Variants in GOSR1 observed in about 807,000 individuals in gnomAD.
The protein encoded by GOSR1 is 28 kDa Golgi SNARE protein.
Under a neutral mutation model 35.5 loss-of-function variants are expected in GOSR1, and 21 were observed. The observed-to-expected ratio is 0.59, with a 90% confidence interval of 0.42 to 0.85. GOSR1 has a LOEUF of 0.85. Ranked by LOEUF, GOSR1 falls within the 40% of genes least tolerant of loss-of-function variation. The probability of loss-of-function intolerance (pLI) is 0.00; values close to 1 mark genes in which losing one functional copy is unlikely to be tolerated. For missense variants in GOSR1, 285 were observed against 309.6 expected (o/e 0.92, Z 0.60); for synonymous variants, 94 against 106.6 (o/e 0.88, Z 0.73).
At chr17:30,501,481 G>A (rs974051553) in intron 6 of GOSR1, among the ~76,000 whole-genome samples, 7 of 151,838 alleles carry the variant, frequency 4.6e-5, no homozygotes, top group South Asian at 2.1e-4. Context: ...AGACACTTAC[G>A]CAGTTTTGTT....
chr17:30,520,028 T>C lies in GOSR1; in HGVS notation c.622+7T>C. 1 of 1,549,878 alleles carries C rather than the reference T, an allele frequency of 6.5e-7. No individual in the cohort carries two copies. Among genetic ancestry groups the C allele is most frequent in the Non-Finnish European group, 8.9e-7 (1 of 1,122,056 alleles). On this transcript the variant is annotated splice_region_variant and intron_variant, in intron 8 of 8. Coordinates refer to ENST00000451249, the MANE Select transcript of GOSR1 (RefSeq NM_001007025.2). ...AAAATGAACACTTTGGCCAGTATCC[T>C]TTTTGAATGTTCGCAGTCTGTGTTT...
intron 6 of GOSR1, among the ~76,000 whole-genome samples, chr17:30,504,344 A>G (rs1290383672): frequency 1.3e-5 from 2 of 152,114 alleles, no homozygotes; most frequent in African/African-American, 4.8e-5. Context: ...TTCATTTTCA[A>G]GTGAATCCAG....
At chr17:30,481,826 G>A (rs1435300534) in intron 2 of GOSR1, among the ~76,000 whole-genome samples, 1 of 152,058 alleles carries the variant, frequency 6.6e-6, no homozygotes, top group Admixed American at 6.6e-5. Flanking sequence ...TCATCCACTT[G>A]TTTCAAGAAA....
intron 6 of GOSR1, among the ~76,000 whole-genome samples, chr17:30,498,692 A>G (rs1454618921): frequency 6.6e-6 from 1 of 152,062 alleles, no homozygotes; most frequent in African/African-American, 2.4e-5. Context: ...CTATTTTGAA[A>G]CGTCACGCAT....
In GOSR1 at chr17:30,522,152, A is replaced by T. The variant is rs1228376199; in HGVS notation, c.623-102A>T. 4 of 923,146 alleles carry T rather than the reference A, an allele frequency of 4.3e-6. No individual in the cohort carries two copies. In the Admixed American group the frequency reaches 7.5e-5, roughly 17 times the overall value. 57.2% of individuals were successfully genotyped at this position (923,146 alleles called of 1,614,324 possible). ...TGTGAGTTTCTTCCCCATGCCTTTC[A>T]TCACTGTTTCTAGACACCACTGATC... On this transcript the variant is annotated intron_variant, in intron 8 of 8. Coordinates refer to ENST00000451249, the MANE Select transcript of GOSR1 (RefSeq NM_001007025.2).
At chr17:30,480,541 G>A (rs1373187464) in intron 1 of GOSR1, among the ~76,000 whole-genome samples, 3 of 151,900 alleles carry the variant, frequency 2.0e-5, no homozygotes, top group Non-Finnish European at 2.9e-5. Context: ...TTTAGTTATT[G>A]CTATACAAAT....
At chr17:30,497,686 G>C (rs1967049136) in intron 6 of GOSR1, among the ~76,000 whole-genome samples, 2 of 152,218 alleles carry the variant, frequency 1.3e-5, no homozygotes, top group African/African-American at 4.8e-5. Flanking sequence ...AGTGATTCCA[G>C]CCCTGTGGAA....
intron 4 of GOSR1, among the ~76,000 whole-genome samples, chr17:30,486,079 T>C (rs1914666015): frequency 6.7e-6 from 1 of 149,784 alleles, no homozygotes; most frequent in Non-Finnish European, 1.5e-5. Flanking sequence ...AAATGTATTA[T>C]CGGGTTAAAA....
chr17:30,477,498 GA>G, intron 1 of GOSR1, 34 bp downstream of exon 1: 1 of 1,600,482 alleles, frequency 6.2e-7, no homozygotes, highest in Non-Finnish European at 8.5e-7. Context: ...TGCGTCCTAC[GA>G]GGGTGAGAGG....
Position 30,522,942 on chromosome 17 carries a change from A to C in GOSR1, c.*564A>C, listed in dbSNP as rs1264753921. ...CTGATTCTCCTGCCTCAGCCTGCCG[A>C]GTGCCTGCAATTGCAGGCGAGCGCC... is the stretch of plus-strand genomic sequence containing the variant. On this transcript the variant is annotated 3_prime_UTR_variant, in exon 9 of 9. Coordinates refer to ENST00000451249, the MANE Select transcript of GOSR1 (RefSeq NM_001007025.2). 1 of 199,882 alleles carries C rather than the reference A, an allele frequency of 5.0e-6. No individual in the cohort carries two copies. The highest frequency in any genetic ancestry group is 9.9e-6 in the Non-Finnish European group (1 of 100,794). 12.4% of individuals were successfully genotyped at this position (199,882 alleles called of 1,614,324 possible).
rs950368073 is a variant in GOSR1, at chr17:30,524,658, A to G, written c.*2280A>G. On this transcript the variant is annotated 3_prime_UTR_variant, in exon 9 of 9. Coordinates refer to ENST00000451249, the MANE Select transcript of GOSR1 (RefSeq NM_001007025.2). ...GTCAGTGCCCCCACTGCTCCTCCTC[A>G]TACCAGCATTGACACTGGTAGCTGA... 2.7e-4 allele frequency: 41 copies of G among 152,254 alleles called. No individual in the cohort carries two copies. The highest frequency in any genetic ancestry group is 9.4e-4 in the African/African-American group (39 of 41,536). The allele number at this position is 152,254 out of a possible 1,614,324, so 9.4% of individuals were successfully genotyped here.
chr17:30,481,310 A>G (rs1289820937), intron 2 of GOSR1, 53 bp downstream of exon 2: 1 of 1,361,494 alleles, frequency 7.3e-7, no homozygotes, highest in Non-Finnish European at 1.0e-6. Flanking sequence ...TTTTTAAAGC[A>G]TTAAAAAATA....
chr17:30,518,383 A>G (rs886235410), intron 7 of GOSR1, among the ~76,000 whole-genome samples: 1 of 152,114 alleles, frequency 6.6e-6, no homozygotes. Context: ...CCAAAGGTCA[A>G]GTCAGGAATT....
chr17:30,512,719 T>C (rs1391993860), intron 7 of GOSR1, among the ~76,000 whole-genome samples: 1 of 152,360 alleles, frequency 6.6e-6, no homozygotes, highest in East Asian at 1.9e-4. Flanking sequence ...ACATGAGATC[T>C]GATCACATTT....
intron 1 of GOSR1, chr17:30,479,940 G>GA (rs1294774460): frequency 3.9e-5 from 6 of 152,064 alleles, no homozygotes; most frequent in Non-Finnish European, 7.4e-5. Flanking sequence ...AACATTGTGA[G>GA]AAAAAACAGA....
At chr17:30,507,778 G>A (rs1309635824) in intron 6 of GOSR1, among the ~76,000 whole-genome samples, 4 of 151,570 alleles carry the variant, frequency 2.6e-5, no homozygotes, top group Non-Finnish European at 5.9e-5. Context: ...TGACTGAATT[G>A]TGCGGCAATC....
At chr17:30,481,000 C>T (rs1279105714) in intron 1 of GOSR1, 143 bp from the exon 2 acceptor site, 3 of 587,908 alleles carry the variant, frequency 5.1e-6, no homozygotes, top group Middle Eastern at 4.7e-4. Flanking sequence ...GCGTGCACCA[C>T]CGTGCCCAGC....
chr17:30,520,664 C>T (rs1967993725), intron 8 of GOSR1, among the ~76,000 whole-genome samples: 1 of 152,180 alleles, frequency 6.6e-6, no homozygotes, highest in African/African-American at 2.4e-5. Flanking sequence ...AAAGACAAGC[C>T]TTCTAGGCAA....
chr17:30,488,940 A>G (rs765792723), intron 4 of GOSR1, among the ~76,000 whole-genome samples: 2 of 152,264 alleles, frequency 1.3e-5, no homozygotes, highest in Admixed American at 6.5e-5. Flanking sequence ...CTATGCAGCT[A>G]TTAAAAAGAA....
Sources: gnomAD v4.1 joint callset for allele counts (sites outside exome capture counted in the v4.1 genomes callset) on GRCh38, gnomAD v4.1.1 for gene constraint, MANE v1.5 for transcripts, NCBI Gene and HGNC (gene_info 2026-07-23, HGNC 2026-07-21) for gene names.